NCAM2: variants seen among roughly 807,000 people sequenced by gnomAD.
NCAM2 encodes neural cell adhesion molecule 2.
NCAM2 carries 30 observed loss-of-function variants against 98.1 expected under a neutral mutation model. The ratio of observed to expected loss-of-function variants is 0.31; its 90% CI spans 0.23 to 0.41. NCAM2 has a LOEUF of 0.41. NCAM2 is among the 10% of genes least tolerant of loss of function. The pLI is 1.00. For missense variants in NCAM2, 867 were observed against 1,005.8 expected (o/e 0.86, Z 1.87); for synonymous variants, 368 against 342.4 (o/e 1.07, Z -0.83).
In NCAM2 at chr21:21,053,560, T is replaced by C. The variant is rs551671340; in HGVS notation, c.55+54942T>C. ...ATTTTTAAAAATTAATTGTTTTAAT[T>C]TTTGCCATTTATTTACATATATATT... On this transcript the variant is annotated intron_variant, in intron 1 of 17. Transcript: ENST00000400546. 4.0e-5 allele frequency among the ~76,000 whole-genome samples: 6 copies of C among 151,540 alleles called. No individual in the cohort carries two copies. The East Asian group carries it at 1.2e-3, about 29-fold the overall frequency.
chr21:21,381,347 T>C (rs1395820775), intron 9 of NCAM2, among the ~76,000 whole-genome samples: 4 of 152,216 alleles, frequency 2.6e-5, no homozygotes, highest in Non-Finnish European at 5.9e-5. Context: ...CCATTGTTGT[T>C]ACTATTTCAA....
At chr21:21,516,725 T>G (rs1433142052) in intron 16 of NCAM2, among the ~76,000 whole-genome samples, 1 of 152,150 alleles carries the variant, frequency 6.6e-6, no homozygotes, top group Admixed American at 6.6e-5. Flanking sequence ...TGGCTTATGC[T>G]TCACTAAAGC....
chr21:21,337,468 T>C (rs2074903814), intron 7 of NCAM2, among the ~76,000 whole-genome samples: 1 of 152,096 alleles, frequency 6.6e-6, no homozygotes, highest in African/African-American at 2.4e-5. Context: ...GCTGTTTTTC[T>C]GATACCAAGA....
At chr21:21,008,818 A>C (rs80139734) in intron 1 of NCAM2, among the ~76,000 whole-genome samples, 2,432 of 152,210 alleles carry the variant, frequency 0.016, 83 homozygotes, top group African/African-American at 0.056. Context: ...AGAACTGTTA[A>C]TACTTTTGCC....
At chr21:21,144,173 C>G (rs549148982) in intron 1 of NCAM2, among the ~76,000 whole-genome samples, 18 of 151,848 alleles carry the variant, frequency 1.2e-4, no homozygotes, top group Admixed American at 3.3e-4. Context: ...CATGGTGAAA[C>G]CCCATCTCCA....
At chr21:21,455,439 A>G (rs184875730) in intron 12 of NCAM2, among the ~76,000 whole-genome samples, 2 of 152,042 alleles carry the variant, frequency 1.3e-5, no homozygotes, top group Non-Finnish European at 2.9e-5. Context: ...AGGAGATCCA[A>G]TAGAATAATT....
chr21:21,456,111 C>G (rs1164372669), intron 12 of NCAM2, among the ~76,000 whole-genome samples: 2 of 152,024 alleles, frequency 1.3e-5, no homozygotes, highest in East Asian at 3.9e-4. Flanking sequence ...TTGGTATGTT[C>G]CATAGTAGAG....
intron 12 of NCAM2, among the ~76,000 whole-genome samples, chr21:21,435,005 GAGAT>G (rs1241719371): frequency 1.3e-5 from 2 of 152,100 alleles, no homozygotes; most frequent in Non-Finnish European, 2.9e-5. Flanking sequence ...ACACCAGAAG[GAGAT>G]AGAATATTTC....
chr21:21,418,313 T>A (rs1913263706), intron 10 of NCAM2, among the ~76,000 whole-genome samples, 160 bp from the exon 11 acceptor site: 1 of 152,086 alleles, frequency 6.6e-6, no homozygotes, highest in South Asian at 2.1e-4. Flanking sequence ...AGGATTTATA[T>A]TATTTAGTAA....
chr21:21,063,079 A>G (rs2065354571), intron 1 of NCAM2, among the ~76,000 whole-genome samples: 1 of 152,168 alleles, frequency 6.6e-6, no homozygotes, highest in Non-Finnish European at 1.5e-5. Context: ...ATCTTACCTT[A>G]CTTTTTAAAT....
intron 1 of NCAM2, among the ~76,000 whole-genome samples, chr21:21,026,440 C>A (rs893359001): frequency 6.6e-6 from 1 of 152,072 alleles, no homozygotes; most frequent in Non-Finnish European, 1.5e-5. Flanking sequence ...GGGTGGATCA[C>A]CTGAGGTCGG....
At chr21:21,509,122 C>G (rs1006781947) in intron 16 of NCAM2, 67 bp downstream of exon 16, 4 of 1,514,076 alleles carry the variant, frequency 2.6e-6, no homozygotes, top group Non-Finnish European at 2.7e-6. Flanking sequence ...AGTGCTTTAC[C>G]TGAGGGCGTT....
At chr21:21,279,848 C>T (rs75746647) in intron 1 of NCAM2, among the ~76,000 whole-genome samples, 7 of 152,130 alleles carry the variant, frequency 4.6e-5, no homozygotes, top group East Asian at 3.9e-4. Flanking sequence ...CATTTGAGCA[C>T]GTGGAAGGTG....
At chr21:21,373,670 A>G (rs915486227) in intron 8 of NCAM2, among the ~76,000 whole-genome samples, 193 bp from the exon 9 acceptor site, 1 of 151,784 alleles carries the variant, frequency 6.6e-6, no homozygotes, top group African/African-American at 2.4e-5. Context: ...TCATGAAGCT[A>G]TGAGAATGTA....
rs1471828762 is a variant in NCAM2, at chr21:21,539,665, G to T, written c.*1708G>T. 6.6e-6 allele frequency: 1 copy of T among 152,162 alleles called. No individual in the cohort carries two copies. Among genetic ancestry groups the T allele is most frequent in the Non-Finnish European group, 1.5e-5 (1 of 68,038 alleles). 9.4% of individuals were successfully genotyped at this position (152,162 alleles called of 1,614,324 possible). On this transcript the variant is annotated 3_prime_UTR_variant, in exon 18 of 18. Coordinates refer to ENST00000400546, the MANE Select transcript of NCAM2 (RefSeq NM_004540.5). ...CGTTTGAAGGCACCAAATCGTCGCA[G>T]TGTCTTTGCCATAAGTTGCAGGGTT...
intron 1 of NCAM2, among the ~76,000 whole-genome samples, chr21:21,209,764 G>C (rs889778679): frequency 6.6e-6 from 1 of 152,186 alleles, no homozygotes; most frequent in African/African-American, 2.4e-5. Flanking sequence ...TACAATGGCT[G>C]AGTAGTGTCC....
intron 5 of NCAM2, among the ~76,000 whole-genome samples, chr21:21,314,551 G>A (rs925630731): frequency 5.9e-5 from 9 of 152,058 alleles, no homozygotes; most frequent in African/African-American, 1.7e-4. Context: ...ATATGTACAC[G>A]TATATACCTA....
Position 21,541,153 on chromosome 21 carries a change from G to A in NCAM2, c.*3196G>A, listed in dbSNP as rs1393129260. ...TTTATTTGTGTGCCAACAATTAATT[G>A]TAACTTTATGATCATATCTTTGTTT... On this transcript the variant is annotated 3_prime_UTR_variant, in exon 18 of 18. Transcript: ENST00000400546. 6.6e-6 allele frequency: 1 copy of A among 151,272 alleles called. No individual in the cohort carries two copies. Among genetic ancestry groups the A allele is most frequent in the Admixed American group, 6.6e-5 (1 of 15,150 alleles). The allele number at this position is 151,272 out of a possible 1,614,324, so 9.4% of individuals were successfully genotyped here. A position where few individuals can be genotyped will look rare whatever the true frequency, so the allele number is the denominator to read the frequency against.
chr21:21,530,162 A>G (rs1989561606), intron 16 of NCAM2, among the ~76,000 whole-genome samples: 2 of 138,072 alleles, frequency 1.4e-5, no homozygotes, highest in South Asian at 2.1e-4. Flanking sequence ...TATATGATTT[A>G]ATTTAATTTA....
Sources: allele counts gnomAD v4.1 joint callset (sites outside exome capture counted in the v4.1 genomes callset), GRCh38; gene constraint gnomAD v4.1.1; transcripts MANE v1.5; gene names NCBI Gene and HGNC (gene_info 2026-07-23, HGNC 2026-07-21).